CD109: variants seen among roughly 807,000 people sequenced by gnomAD.
CD109 encodes the protein CD109 antigen.
CD109 carries 149 observed loss-of-function variants against 165.8 expected under a neutral mutation model. That is an observed-to-expected ratio of 0.90 (90% CI 0.79 to 1.03). The LOEUF (loss-of-function observed/expected upper bound fraction) is 1.03. CD109 is among the 50% of genes least tolerant of loss of function. The pLI, the probability that CD109 is intolerant of heterozygous loss-of-function variation, is 0.00. For missense variants in CD109, 1,712 were observed against 1,677.8 expected, an observed-to-expected ratio of 1.02 and a Z score of -0.36; for synonymous variants, 585 against 592.1, an observed-to-expected ratio of 0.99 and a Z score of 0.18.
the CD109 span, among the ~76,000 whole-genome samples, chr6:73,681,290 C>A: frequency 6.7e-6 from 1 of 149,776 alleles, no homozygotes; most frequent in African/African-American, 2.5e-5. Context: ...CACAGACAAG[C>A]TAATTATAAT....
rs1776181778 is a variant in CD109, at chr6:73,823,702, A to G, written c.*69A>G. 7.2e-7 allele frequency: 1 copy of G among 1,390,944 alleles called. No individual in the cohort carries two copies. Among genetic ancestry groups the G allele is most frequent in the African/African-American group, 1.4e-5 (1 of 69,236 alleles). The allele number at this position is 1,390,944 out of a possible 1,614,324, so 86.2% of individuals were successfully genotyped here. A position where few individuals can be genotyped will look rare whatever the true frequency, so the allele number is the denominator to read the frequency against. On this transcript the variant is annotated 3_prime_UTR_variant, in exon 33 of 33. Coordinates refer to ENST00000287097, the MANE Select transcript of CD109 (RefSeq NM_133493.5). ...TCACATGTGATTGTTTTGTTTTCGT[A>G]GAAGAATACTGCTTCTATTTTGAAA...
chr6:73,786,129 C>T (rs1774683667), intron 20 of CD109, among the ~76,000 whole-genome samples: 1 of 152,262 alleles, frequency 6.6e-6, no homozygotes, highest in East Asian at 1.9e-4. Flanking sequence ...CCACTGCACC[C>T]GACTGCCATT....
At chr6:73,791,200 T>TATATATATACACACATAC (rs1562071157) in intron 22 of CD109, among the ~76,000 whole-genome samples, 1 of 119,392 alleles carries the variant, frequency 8.4e-6, no homozygotes, top group African/African-American at 3.8e-5. Context: ...TACATATATA[T>TATATATATACACACATAC]ATATATATAT....
chr6:73,777,031 A>AAGCTGGAGTGCAGAGTGGTATGATCT (rs1774274771), intron 15 of CD109, among the ~76,000 whole-genome samples: 1 of 16,496 alleles, frequency 6.1e-5, no homozygotes, highest in African/African-American at 5.7e-4. Flanking sequence ...CTTGTTGCCC[A>AAGCTGGAGTGCAGAGTGGTATGATCT]CGCTGCAACC....
At chr6:73,790,730 T>C (rs1774894094) in intron 22 of CD109, among the ~76,000 whole-genome samples, 1 of 152,102 alleles carries the variant, frequency 6.6e-6, no homozygotes, top group Non-Finnish European at 1.5e-5. Context: ...CCTCAAGCTT[T>C]TGTCTATTCA....
rs560121135 is a variant in CD109 at position 73,747,339 on chromosome 6, TA to T, written c.634-9295del. Among the ~76,000 whole-genome samples the T allele has an allele frequency of 1.1e-3, 164 of 151,666 alleles. 1 individual carries two copies. The Middle Eastern group carries it at 0.014, about 13-fold the overall frequency. On this transcript the variant is annotated intron_variant, in intron 5 of 32. Coordinates refer to ENST00000287097, the MANE Select transcript of CD109 (RefSeq NM_133493.5). ...CACATTCCCATTCTAGCCAGTCTTCTAAAAAAAAATGTCTGATCTCTCTGCC... is the reference window on the plus strand; with the variant it reads ...CACATTCCCATTCTAGCCAGTCTTCTAAAAAAAATGTCTGATCTCTCTGCC...
chr6:73,723,127 TCAC>T, intron 2 of CD109, 121 bp from the exon 3 acceptor site: 2 of 1,553,044 alleles, frequency 1.3e-6, no homozygotes, highest in Non-Finnish European at 1.7e-6. Flanking sequence ...CATTTTGGTT[TCAC>T]CAAATGTATT....
intron 20 of CD109, 77 bp downstream of exon 20, chr6:73,785,554 A>G: frequency 2.7e-6 from 2 of 739,184 alleles, no homozygotes; most frequent in Non-Finnish European, 4.4e-6. Context: ...TGGGTTGTGT[A>G]GTATCTGGGC....
chr6:73,716,146 A>T (rs1261360978), intron 2 of CD109, among the ~76,000 whole-genome samples: 1 of 152,226 alleles, frequency 6.6e-6, no homozygotes, highest in Non-Finnish European at 1.5e-5. Flanking sequence ...TTAATTGTGT[A>T]CATGTACCAC....
chr6:73,789,900 T>C (rs2150263599), intron 22 of CD109, among the ~76,000 whole-genome samples: 1 of 151,772 alleles, frequency 6.6e-6, no homozygotes, highest in Non-Finnish European at 1.5e-5. Flanking sequence ...TAGCTGGAAT[T>C]ACAGGCACGT....
chr6:73,728,142 A>G (rs1200191112), intron 3 of CD109, among the ~76,000 whole-genome samples: 2 of 152,106 alleles, frequency 1.3e-5, no homozygotes, highest in Non-Finnish European at 2.9e-5. Flanking sequence ...CCAACATGGT[A>G]AAACCTTTTC....
intron 30 of CD109, among the ~76,000 whole-genome samples, chr6:73,817,236 G>T (rs1775969973): frequency 6.6e-6 from 1 of 152,182 alleles, no homozygotes; most frequent in African/African-American, 2.4e-5. Flanking sequence ...GCTTGGTAGA[G>T]AGATCAGATC....
intron 2 of CD109, among the ~76,000 whole-genome samples, chr6:73,705,257 C>T (rs1272546606): frequency 1.3e-5 from 2 of 152,004 alleles, no homozygotes; most frequent in African/African-American, 2.4e-5. Context: ...TTTTGAAGTC[C>T]TGGAAATACA....
chr6:73,752,299 G>A (rs1369200081), intron 5 of CD109, among the ~76,000 whole-genome samples: 1 of 152,200 alleles, frequency 6.6e-6, no homozygotes, highest in Non-Finnish European at 1.5e-5. Flanking sequence ...AAACTCAAGA[G>A]TTGGATGGCA....
chr6:73,781,754 CACACACACACACACACAGACACAG>C (rs1324361867), intron 17 of CD109, among the ~76,000 whole-genome samples: 2 of 150,804 alleles, frequency 1.3e-5, no homozygotes, highest in Admixed American at 1.3e-4. Context: ...CTGGTACACA[CACACACACACACACACAGACACAG>C]ACACACACAC....
chr6:73,723,432 A>G (rs1034319394), intron 3 of CD109, among the ~76,000 whole-genome samples, 153 bp downstream of exon 3: 10 of 152,232 alleles, frequency 6.6e-5, no homozygotes, highest in Admixed American at 6.5e-4. Flanking sequence ...TTATTTATGA[A>G]TAATATTATT....
intron 1 of CD109, 29 bp downstream of exon 1, chr6:73,696,318 C>A: frequency 7.2e-7 from 1 of 1,385,488 alleles, no homozygotes; most frequent in Non-Finnish European, 9.4e-7. Flanking sequence ...GGGGGGCGCG[C>A]GGGCGCGCGG....
chr6:73,779,249 A>G (rs1295442801), intron 15 of CD109, among the ~76,000 whole-genome samples: 1 of 118,754 alleles, frequency 8.4e-6, no homozygotes, highest in Non-Finnish European at 1.7e-5. Flanking sequence ...TCAGAGCTTC[A>G]TTTCTTTTTT....
At chr6:73,710,590 C>T (rs571684002) in intron 2 of CD109, among the ~76,000 whole-genome samples, 10 of 151,912 alleles carry the variant, frequency 6.6e-5, no homozygotes, top group Admixed American at 5.9e-4. Flanking sequence ...TAGAAGACAC[C>T]GAGGGAATGT....
Sources: gnomAD v4.1 joint callset for allele counts (sites outside exome capture counted in the v4.1 genomes callset) on GRCh38, gnomAD v4.1.1 for gene constraint, MANE v1.5 for transcripts, NCBI Gene and HGNC (gene_info 2026-07-23, HGNC 2026-07-21) for gene names.